CRYBG1: variants seen among roughly 807,000 people sequenced by gnomAD.
CRYBG1 encodes the protein beta/gamma crystallin domain-containing protein 1.
CRYBG1 carries 139 observed loss-of-function variants against 189.2 expected under a neutral mutation model. That is an observed-to-expected ratio of 0.73 (90% CI 0.64 to 0.85). CRYBG1 has a LOEUF of 0.85. Among genes scored for constraint, CRYBG1 ranks in the 40% least tolerant of loss-of-function variants. The pLI, the probability that CRYBG1 is intolerant of heterozygous loss-of-function variation, is 0.00. For synonymous variants in CRYBG1, 1,023 were observed against 1,017.1 expected (o/e 1.01, Z -0.11); for missense variants, 2,611 against 2,675.8 (o/e 0.98, Z 0.53).
Position 106,569,213 on chromosome 6 carries a change from G to A in CRYBG1, c.*647G>A, listed in dbSNP as rs761542859. The A allele has an allele frequency of 3.3e-5, 5 of 152,064 alleles. No homozygotes were observed. Among genetic ancestry groups the A allele is most frequent in the Non-Finnish European group, 5.9e-5 (4 of 68,010 alleles). 9.4% of individuals were successfully genotyped at this position (152,064 alleles called of 1,614,324 possible). On this transcript the variant is annotated 3_prime_UTR_variant, in exon 22 of 22. Transcript: ENST00000633556. The stretch of plus-strand genomic sequence containing the variant: ...TTTAAAAATTTAATGTCAAAGTCTG[G>A]TAACATTTGTTAGTAGGATTTGAGT...
chr6:106,475,242 TTA>T (rs1164828063), intron 2 of CRYBG1, among the ~76,000 whole-genome samples: 3 of 152,114 alleles, frequency 2.0e-5, no homozygotes, highest in Non-Finnish European at 4.4e-5. Flanking sequence ...ACTTACTTAT[TTA>T]TGTGTTTGAG....
chr6:106,556,684 G>T (rs1315369390), intron 17 of CRYBG1, among the ~76,000 whole-genome samples: 1 of 152,110 alleles, frequency 6.6e-6, no homozygotes, highest in Non-Finnish European at 1.5e-5. Context: ...ATTTTTATTA[G>T]TTTTTGGTAA....
At chr6:106,524,024 G>C (rs1331993284) in intron 4 of CRYBG1, among the ~76,000 whole-genome samples, 1 of 152,100 alleles carries the variant, frequency 6.6e-6, no homozygotes, top group African/African-American at 2.4e-5. Context: ...GAGGCACTGC[G>C]CCCCAGCCTT....
chr6:106,462,702 G>C (rs1192723972), intron 2 of CRYBG1, among the ~76,000 whole-genome samples: 2 of 152,202 alleles, frequency 1.3e-5, no homozygotes, highest in East Asian at 3.8e-4. Context: ...AAATCACAAA[G>C]ATGCTTTGAG....
chr6:106,530,834 G>A (rs34456829), intron 8 of CRYBG1, among the ~76,000 whole-genome samples: 35,169 of 152,070 alleles, frequency 0.23, 4,275 homozygotes, highest in South Asian at 0.35. Flanking sequence ...AGAAAGTATA[G>A]ACTGCAATAC....
chr6:106,503,331 G>T (rs920613749), intron 2 of CRYBG1, among the ~76,000 whole-genome samples: 1 of 152,282 alleles, frequency 6.6e-6, no homozygotes, highest in African/African-American at 2.4e-5. Flanking sequence ...ACAATTACCT[G>T]GATTCTAAAG....
intron 9 of CRYBG1, chr6:106,541,229 G>C (rs1049953527): frequency 6.1e-6 from 3 of 489,766 alleles, no homozygotes. Flanking sequence ...TGCAGAAGCC[G>C]AAGACAGTGG....
rs530059847 is a variant in CRYBG1 at position 106,564,924 on chromosome 6, TTA to T, written c.6301+1000_6301+1001del. On this transcript the variant is annotated intron_variant, in intron 21 of 21. Coordinates refer to ENST00000633556, the MANE Select transcript of CRYBG1 (RefSeq NM_001371242.2). The stretch of plus-strand genomic sequence containing the variant: ...ATACTCCATTAATTTTTTTAAATTT[TTA>T]TGAGTATATTACATACTCTATTTTA... 7.2e-5 allele frequency among the ~76,000 whole-genome samples: 11 copies of T among 152,318 alleles called. No homozygotes were observed. In the South Asian group the frequency reaches 2.3e-3, roughly 32 times the overall value.
intron 10 of CRYBG1, among the ~76,000 whole-genome samples, chr6:106,542,311 C>T (rs1439641304): frequency 1.5e-5 from 2 of 136,888 alleles, no homozygotes; most frequent in African/African-American, 5.5e-5. Context: ...GAGACCAGGC[C>T]TTGCTCTGTC....
rs780724491 is a variant in CRYBG1 at position 106,533,754 on chromosome 6, T to A, written c.4718+3439T>A. ...TGGAGGAGCAGGATAGGAGAGAGAG[T>A]GAGATTCAGGAGCTCAGTTTTGGAC... is the stretch of plus-strand genomic sequence containing the variant. On this transcript the variant is annotated intron_variant, in intron 8 of 21. Coordinates refer to ENST00000633556, the MANE Select transcript of CRYBG1 (RefSeq NM_001371242.2). Among the ~76,000 whole-genome samples, 139 of 151,686 alleles carry A rather than the reference T, an allele frequency of 9.2e-4. 1 individual carries two copies. Among genetic ancestry groups the A allele is most frequent in the Non-Finnish European group, 2.7e-4 (18 of 67,924 alleles).
rs747540246 is a variant in CRYBG1 at position 106,422,340 on chromosome 6, A to ATTTTT, written c.174-29351_174-29350insTTTTT. On this transcript the variant is annotated intron_variant, in intron 1 of 21. Transcript: ENST00000633556. The stretch of plus-strand genomic sequence containing the variant: ...GGTTTTGTTATTTATTTATTTATTT[A>ATTTTT]TTTATTTTTGAGACATGGTCTCACT... 1.0e-4 allele frequency among the ~76,000 whole-genome samples: 7 copies of ATTTTT among 68,286 alleles called. 1 individual carries two copies. Among genetic ancestry groups the ATTTTT allele is most frequent in the Non-Finnish European group, 2.0e-4 (6 of 30,024 alleles). The allele number at this position is 68,286 out of a possible 152,430, so 44.8% of individuals were successfully genotyped here. A position where few individuals can be genotyped will look rare whatever the true frequency, so the allele number is the denominator to read the frequency against.
chr6:106,418,984 G>A (rs1403661497), intron 1 of CRYBG1, among the ~76,000 whole-genome samples: 1 of 152,186 alleles, frequency 6.6e-6, no homozygotes, highest in African/African-American at 2.4e-5. Flanking sequence ...CATAGTACAT[G>A]AATAAGCTGG....
At position 106,512,829 on chromosome 6, in the gene CRYBG1, T is replaced by A. The variant is rs1195337822; in HGVS notation, c.1712T>A (p.Leu571His). ...EEAARAIPRELPVKSSSLLPE... is the reference protein window; with the variant it reads ...EEAARAIPREHPVKSSSLLPE... ...GCGGCGCGGGCCATCCCCCGCGAGC[T>A]CCCGGTCAAGAGCAGCTCGCTGCTG... The change falls in exon 3 of 22, where the codon CTC (leucine) becomes CAC (histidine). Residue 571 changes from leucine to histidine, a missense_variant. This residue lies in a region of CRYBG1 where 985 missense variants were observed against 924.4 expected (regional missense o/e 1.07). Transcript: ENST00000633556. 3 of 1,577,758 alleles carry A rather than the reference T, an allele frequency of 1.9e-6. No individual in the cohort carries two copies. The highest frequency in any genetic ancestry group is 1.7e-4 in the Middle Eastern group (1 of 5,824).
At chr6:106,390,557 A>G (rs775080629) in intron 1 of CRYBG1, among the ~76,000 whole-genome samples, 3 of 151,860 alleles carry the variant, frequency 2.0e-5, no homozygotes, top group Non-Finnish European at 4.4e-5. Flanking sequence ...ATGAAACATT[A>G]CTGTTACTCC....
intron 2 of CRYBG1, among the ~76,000 whole-genome samples, chr6:106,496,713 G>A (rs548529073): frequency 6.6e-6 from 1 of 152,294 alleles, no homozygotes; most frequent in South Asian, 2.1e-4. Context: ...GCAGGAGGAG[G>A]TATTTTGGCC....
chr6:106,548,692 C>T (rs1363948242), intron 13 of CRYBG1, among the ~76,000 whole-genome samples: 3 of 151,446 alleles, frequency 2.0e-5, no homozygotes, highest in Non-Finnish European at 4.4e-5. Flanking sequence ...TTTAATTGTT[C>T]GTTGTTTTTT....
intron 1 of CRYBG1, among the ~76,000 whole-genome samples, chr6:106,409,919 C>A (rs924324595): frequency 1.3e-5 from 2 of 152,134 alleles, no homozygotes; most frequent in African/African-American, 4.8e-5. Context: ...ACCATAGATA[C>A]CCCAGAAGAA....
At chr6:106,564,188 C>G (rs1044295299) in intron 21 of CRYBG1, among the ~76,000 whole-genome samples, 4 of 152,120 alleles carry the variant, frequency 2.6e-5, no homozygotes, top group African/African-American at 9.7e-5. Context: ...ACAACAACAA[C>G]AAAACCCCGG....
chr6:106,415,977 C>A (rs2114379915), intron 1 of CRYBG1, among the ~76,000 whole-genome samples: 1 of 152,242 alleles, frequency 6.6e-6, no homozygotes, highest in Non-Finnish European at 1.5e-5. Flanking sequence ...GCAAGCAGTC[C>A]TCTTAGGGGA....
Sources: gnomAD v4.1 joint callset for allele counts (sites outside exome capture counted in the v4.1 genomes callset) on GRCh38, gnomAD v4.1.1 for gene constraint, gnomAD v4.1.1 regional missense constraint, MANE v1.5 for transcripts, NCBI Gene and HGNC (gene_info 2026-07-23, HGNC 2026-07-21) for gene names.